The following AP1S3 variants were observed in gnomAD, a reference collection of about 807,000 sequenced individuals.
AP1S3 encodes the protein AP-1 complex subunit sigma-3.
In AP1S3, 10 loss-of-function variants were observed where a neutral mutation model predicts 20.9. That is an observed-to-expected ratio of 0.48 (90% CI 0.29 to 0.81). AP1S3 has a LOEUF of 0.81. Ranked by LOEUF, AP1S3 falls within the 30% of genes least tolerant of loss-of-function variation. The probability of loss-of-function intolerance (pLI) is 0.08; values close to 1 mark genes in which losing one functional copy is unlikely to be tolerated. For missense variants in AP1S3, 154 were observed against 183.8 expected, an observed-to-expected ratio of 0.84 and a Z score of 0.94; for synonymous variants, 41 against 61.5, an observed-to-expected ratio of 0.67 and a Z score of 1.56.
chr2:223,814,244 T>C (rs2106120664), intron 1 of AP1S3, among the ~76,000 whole-genome samples: 1 of 152,226 alleles, frequency 6.6e-6, no homozygotes, highest in Admixed American at 6.5e-5. Flanking sequence ...GAAAAAACAG[T>C]GGGAAGAGGC....
chr2:223,810,658 A>G (rs1361150795), intron 1 of AP1S3, among the ~76,000 whole-genome samples: 2 of 152,180 alleles, frequency 1.3e-5, no homozygotes, highest in Non-Finnish European at 2.9e-5. Context: ...CACCTGGCCC[A>G]GGGAAGCAGT....
intron 1 of AP1S3, among the ~76,000 whole-genome samples, chr2:223,792,668 A>C (rs1243754844): frequency 2.0e-5 from 3 of 152,172 alleles, no homozygotes. Context: ...TCACGAGCAG[A>C]TTTCATGACA....
intron 3 of AP1S3, among the ~76,000 whole-genome samples, chr2:223,769,467 C>T (rs549905851): frequency 2.6e-5 from 4 of 152,178 alleles, no homozygotes; most frequent in Non-Finnish European, 1.5e-5. Context: ...ATTAGATATG[C>T]ACTGGCCCTT....
At chr2:223,836,553 A>G (rs1265547613) in intron 1 of AP1S3, among the ~76,000 whole-genome samples, 1 of 152,208 alleles carries the variant, frequency 6.6e-6, no homozygotes, top group Non-Finnish European at 1.5e-5. Flanking sequence ...CAGCCTGGCC[A>G]ACATGGTGAA....
chr2:223,812,467 C>T (rs1462421826), intron 1 of AP1S3, among the ~76,000 whole-genome samples: 1 of 152,276 alleles, frequency 6.6e-6, no homozygotes, highest in African/African-American at 2.4e-5. Context: ...GGTGATCAGC[C>T]CGCATTGGCC....
chr2:223,785,877 A>G (rs1691061014), intron 1 of AP1S3, among the ~76,000 whole-genome samples: 2 of 152,248 alleles, frequency 1.3e-5, no homozygotes, highest in African/African-American at 4.8e-5. Context: ...TCCAACACCA[A>G]CAATGAATTC....
At chr2:223,781,217 T>C (rs1690937915) in intron 1 of AP1S3, among the ~76,000 whole-genome samples, 1 of 152,138 alleles carries the variant, frequency 6.6e-6, no homozygotes, top group African/African-American at 2.4e-5. Context: ...GTTGATTCCA[T>C]GTCTTTCTAT....
intron 1 of AP1S3, among the ~76,000 whole-genome samples, chr2:223,808,999 A>C (rs1394332199): frequency 6.6e-6 from 1 of 152,248 alleles, no homozygotes; most frequent in Non-Finnish European, 1.5e-5. Flanking sequence ...CGTCTAAAAA[A>C]AATAAATAAA....
At chr2:223,803,318 G>A (rs144688590) in intron 1 of AP1S3, among the ~76,000 whole-genome samples, 3 of 152,290 alleles carry the variant, frequency 2.0e-5, no homozygotes, top group East Asian at 3.9e-4. Flanking sequence ...TGCAAGATGA[G>A]TCAAGAGGAG....
chr2:223,785,951 AAAAT>A (rs1476196005), intron 1 of AP1S3, among the ~76,000 whole-genome samples: 1 of 152,238 alleles, frequency 6.6e-6, no homozygotes, highest in Non-Finnish European at 1.5e-5. Flanking sequence ...TACAAAACAA[AAAAT>A]AAATTAATTA....
chr2:223,827,510 G>T (rs546395085), intron 1 of AP1S3, among the ~76,000 whole-genome samples: 2 of 152,038 alleles, frequency 1.3e-5, no homozygotes, highest in Admixed American at 1.3e-4. Flanking sequence ...AACCTCCGAA[G>T]TAACTGGGAT....
At chr2:223,814,733 C>T (rs1385479763) in intron 1 of AP1S3, among the ~76,000 whole-genome samples, 1 of 152,184 alleles carries the variant, frequency 6.6e-6, no homozygotes, top group East Asian at 1.9e-4. Context: ...TAAGACTATA[C>T]AGGAGATTTC....
intron 1 of AP1S3, among the ~76,000 whole-genome samples, chr2:223,809,735 T>A (rs970555769): frequency 4.6e-5 from 7 of 151,046 alleles, no homozygotes; most frequent in South Asian, 2.1e-4. Context: ...TTTATTTATT[T>A]TTTTTTTTTT....
chr2:223,837,350 C>A, intron 1 of AP1S3, 98 bp downstream of exon 1: 1 of 619,762 alleles, frequency 1.6e-6, no homozygotes, highest in Non-Finnish European at 2.3e-6. Context: ...GGCCCGCACC[C>A]CCACCCGGCC....
rs181044694 is a variant in AP1S3 at position 223,793,297 on chromosome 2, C to T, written c.4-15428G>A. ...TGTACATTCATTGCAGCACCATTCA[C>T]AATAGCAAAGACATGGAATCAACCT... On this transcript the variant is annotated intron_variant, in intron 1 of 4. Transcript: ENST00000396654. 1.7e-3 allele frequency among the ~76,000 whole-genome samples: 261 copies of T among 152,204 alleles called. 2 individuals carry two copies. Among genetic ancestry groups the T allele is most frequent in the African/African-American group, 5.9e-3 (245 of 41,544 alleles).
chr2:223,786,472 A>G (rs1441446131), intron 1 of AP1S3, among the ~76,000 whole-genome samples: 2 of 152,136 alleles, frequency 1.3e-5, no homozygotes, highest in African/African-American at 4.8e-5. Context: ...TAATAAAACA[A>G]TCCAGGGATG....
At chr2:223,774,597 A>T (rs894300788) in intron 3 of AP1S3, among the ~76,000 whole-genome samples, 1 of 152,258 alleles carries the variant, frequency 6.6e-6, no homozygotes, top group East Asian at 1.9e-4. Flanking sequence ...GAACAGAGAA[A>T]AGCTCAGAGG....
chr2:223,762,464 G>T (rs1234084137), intron 4 of AP1S3, among the ~76,000 whole-genome samples: 1 of 152,026 alleles, frequency 6.6e-6, no homozygotes, highest in Non-Finnish European at 1.5e-5. Context: ...GTAGGGATGG[G>T]ATTTTGCCAT....
chr2:223,769,008 G>T (rs1468083777), intron 3 of AP1S3, among the ~76,000 whole-genome samples: 1 of 152,042 alleles, frequency 6.6e-6, no homozygotes, highest in Admixed American at 6.6e-5. Flanking sequence ...TTACAAGTTA[G>T]GTCAATAAAC....
Sources: gnomAD v4.1 joint callset for allele counts (sites outside exome capture counted in the v4.1 genomes callset) on GRCh38, gnomAD v4.1.1 for gene constraint, MANE v1.5 for transcripts, NCBI Gene and HGNC (gene_info 2026-07-23, HGNC 2026-07-21) for gene names.